Variants in PRCP observed in about 807,000 individuals in gnomAD.
PRCP encodes the protein lysosomal Pro-X carboxypeptidase.
A neutral mutation model predicts 54.2 loss-of-function variants in PRCP; 46 were observed. The observed-to-expected ratio is 0.85, with a 90% CI of 0.67 to 1.09. The LOEUF (loss-of-function observed/expected upper bound fraction) is 1.09, where lower values mean the gene tolerates loss of function less well. Among genes scored for constraint, PRCP ranks in the 50% least tolerant of loss-of-function variants. The pLI is 0.00. For synonymous variants in PRCP, 240 were observed against 212.2 expected (o/e 1.13, Z -1.14); for missense variants, 613 against 596.8 (o/e 1.03, Z -0.28).
At chr11:82,877,156 T>A (rs1859624565) in intron 1 of PRCP, among the ~76,000 whole-genome samples, 1 of 152,148 alleles carries the variant, frequency 6.6e-6, no homozygotes, top group Admixed American at 6.5e-5. Context: ...AAAGAGATGA[T>A]TTAGGGTATC....
upstream of PRCP, chr11:82,900,626 G>A (rs745939484): frequency 3.3e-5 from 23 of 691,626 alleles, no homozygotes; most frequent in Non-Finnish European, 6.0e-5. Context: ...CTTTCCTCTC[G>A]TGCCATCTGC....
intron 1 of PRCP, chr11:82,899,894 G>C (rs1860217224): frequency 3.7e-6 from 1 of 269,612 alleles, no homozygotes; most frequent in Non-Finnish European, 7.2e-6. Flanking sequence ...AGGTACCAGA[G>C]CTGGCATTTA....
intron 1 of PRCP, among the ~76,000 whole-genome samples, 194 bp from the exon 2 acceptor site, chr11:82,860,311 TAA>T (rs1307616510): frequency 9.2e-5 from 14 of 151,960 alleles, no homozygotes; most frequent in African/African-American, 3.1e-4. Context: ...TATTATAAAA[TAA>T]AGTAATATTT....
chr11:82,827,111 C>A (rs961273623), intron 8 of PRCP: 2 of 152,256 alleles, frequency 1.3e-5, no homozygotes, highest in South Asian at 4.1e-4. Context: ...TTGTTTAATG[C>A]AAACTCCGTT....
At chr11:82,855,475 C>T (rs971591953) in intron 2 of PRCP, among the ~76,000 whole-genome samples, 3 of 151,928 alleles carry the variant, frequency 2.0e-5, no homozygotes, top group Admixed American at 6.6e-5. Context: ...AAAACTTAGC[C>T]GGGCGTGGTG....
Position 82,837,118 on chromosome 11 carries a change from C to T in PRCP, c.1274+1269G>A, listed in dbSNP as rs11233335. 6.6e-3 allele frequency: 1,457 copies of T among 220,750 alleles called. 26 individuals are homozygous for T. The highest frequency in any genetic ancestry group is 0.03 in the African/African-American group (1,313 of 43,216). The allele number at this position is 220,750 out of a possible 1,614,324, so 13.7% of individuals were successfully genotyped here. On this transcript the variant is annotated intron_variant, in intron 8 of 8. Transcript: ENST00000313010. ...AGACACAATCCTGCAGAAGGGCATC[C>T]GACTCTATTTCTTACAGTGTGAAAG...
At chr11:82,857,775 G>A (rs1283155693) in intron 2 of PRCP, among the ~76,000 whole-genome samples, 1 of 152,178 alleles carries the variant, frequency 6.6e-6, no homozygotes, top group African/African-American at 2.4e-5. Flanking sequence ...AGATATTTGT[G>A]ATGGTTTCAA....
intron 8 of PRCP, chr11:82,827,241 T>C (rs1858257986): frequency 6.6e-6 from 1 of 152,224 alleles, no homozygotes. Context: ...GATAGTATCA[T>C]TTGCAGCACA....
At chr11:82,892,915 C>G (rs1234373475) in intron 1 of PRCP, among the ~76,000 whole-genome samples, 1 of 152,168 alleles carries the variant, frequency 6.6e-6, no homozygotes, top group Non-Finnish European at 1.5e-5. Flanking sequence ...TATGCCTGGC[C>G]AGGACCTAGC....
chr11:82,862,938 T>C (rs1859242196), intron 1 of PRCP, among the ~76,000 whole-genome samples: 1 of 152,216 alleles, frequency 6.6e-6, no homozygotes, highest in Admixed American at 6.5e-5. Context: ...CTAATTCAAC[T>C]ATATCCACTC....
rs369933772 is a variant in PRCP at position 82,856,525 on chromosome 11, T to C, written c.310-3247A>G. 1.3e-4 allele frequency among the ~76,000 whole-genome samples: 20 copies of C among 152,178 alleles called. No individual in the cohort carries two copies. In the East Asian group the frequency reaches 3.7e-3, roughly 28 times the overall value. The stretch of plus-strand genomic sequence containing the variant: ...GACACTGCATGACTACTAGAGGGGC[T>C]AATAGTGCAGGGAGTGTGGGTGTGG... On this transcript the variant is annotated intron_variant, in intron 2 of 8. Coordinates refer to ENST00000313010, the MANE Select transcript of PRCP (RefSeq NM_005040.4).
At chr11:82,856,595 T>C (rs1390293295) in intron 2 of PRCP, among the ~76,000 whole-genome samples, 1 of 152,062 alleles carries the variant, frequency 6.6e-6, no homozygotes, top group African/African-American at 2.4e-5. Flanking sequence ...GCTTACTACC[T>C]AGGTGATGGG....
chr11:82,830,594 A>G (rs1244202139), intron 8 of PRCP: 1 of 143,684 alleles, frequency 7.0e-6, no homozygotes, highest in African/African-American at 2.6e-5. Flanking sequence ...TGCCACTGCA[A>G]TCCAGCCTGG....
intron 2 of PRCP, 144 bp downstream of exon 2, chr11:82,859,833 A>C (rs1859167221): frequency 5.8e-6 from 4 of 685,456 alleles, no homozygotes; most frequent in African/African-American, 5.7e-5. Context: ...TTCTATTATT[A>C]GTGTGTTAAT....
At chr11:82,859,816 G>A (rs1859167064) in intron 2 of PRCP, among the ~76,000 whole-genome samples, 161 bp downstream of exon 2, 1 of 151,858 alleles carries the variant, frequency 6.6e-6, no homozygotes, top group Non-Finnish European at 1.5e-5. Context: ...ATGTGCTTTT[G>A]CTATTTTTCT....
At chr11:82,857,067 C>T (rs1565225738) in intron 2 of PRCP, among the ~76,000 whole-genome samples, 1 of 149,360 alleles carries the variant, frequency 6.7e-6, no homozygotes, top group Non-Finnish European at 1.5e-5. Flanking sequence ...ACAAATTGCA[C>T]TGTTTGCCAA....
chr11:82,828,015 A>G (rs1258896979), intron 8 of PRCP: 1 of 152,198 alleles, frequency 6.6e-6, no homozygotes, highest in African/African-American at 2.4e-5. Context: ...GATGCTATTT[A>G]AATCAAATTT....
At chr11:82,834,481 A>G (rs993526379) in intron 8 of PRCP, among the ~76,000 whole-genome samples, 1 of 152,236 alleles carries the variant, frequency 6.6e-6, no homozygotes, top group Non-Finnish European at 1.5e-5. Flanking sequence ...TAAGGAAATT[A>G]AACAAAAAGC....
intron 1 of PRCP, among the ~76,000 whole-genome samples, chr11:82,871,022 T>G (rs554422968): frequency 6.6e-6 from 1 of 152,250 alleles, no homozygotes; most frequent in Non-Finnish European, 1.5e-5. Flanking sequence ...AACTCATATA[T>G]ATGATATATA....
Sources: allele counts gnomAD v4.1 joint callset (sites outside exome capture counted in the v4.1 genomes callset), GRCh38; gene constraint gnomAD v4.1.1; transcripts MANE v1.5; gene names NCBI Gene and HGNC (gene_info 2026-07-23, HGNC 2026-07-21).